TSPAN18: variants seen among roughly 807,000 people sequenced by gnomAD.
TSPAN18 encodes tetraspanin 18.
A neutral mutation model predicts 27.3 loss-of-function variants in TSPAN18; 14 were observed. The observed-to-expected ratio is 0.51, with a 90% confidence interval of 0.34 to 0.80. The LOEUF is 0.80. Among genes scored for constraint, TSPAN18 ranks in the 30% least tolerant of loss-of-function variants. TSPAN18 has a pLI of 0.01. For missense variants in TSPAN18, 268 were observed against 323.9 expected (o/e 0.83, Z 1.32); for synonymous variants, 143 against 136.5 (o/e 1.05, Z -0.33).
At chr11:44,799,635 G>T (rs768870746) in intron 2 of TSPAN18, among the ~76,000 whole-genome samples, 9 of 152,176 alleles carry the variant, frequency 5.9e-5, no homozygotes, top group Non-Finnish European at 1.2e-4. Context: ...TGTCAGCGAT[G>T]ATTTCTGTGG....
At chr11:44,805,033 C>T (rs1470164174) in intron 2 of TSPAN18, among the ~76,000 whole-genome samples, 1 of 152,194 alleles carries the variant, frequency 6.6e-6, no homozygotes, top group African/African-American at 2.4e-5. Context: ...GCAGCTGTGG[C>T]CGCCCTTGGT....
At chr11:44,855,969 G>A (rs759478616) in intron 2 of TSPAN18, among the ~76,000 whole-genome samples, 13 of 149,588 alleles carry the variant, frequency 8.7e-5, no homozygotes, top group East Asian at 2.0e-4. Context: ...TGCAACCTCC[G>A]TCTCCCAGGT....
chr11:44,909,765 C>G lies in TSPAN18; in HGVS notation c.124C>G (p.Arg42Gly). 1 of 1,613,822 alleles carries G rather than the reference C, an allele frequency of 6.2e-7. No individual in the cohort carries two copies. The highest frequency in any genetic ancestry group is 8.5e-7 in the Non-Finnish European group (1 of 1,180,024). The change falls in exon 5 of 10, where the codon CGG (arginine) becomes GGG (glycine). Residue 42 changes from arginine (R) to glycine (G), a missense_variant. Arg to Gly is a moderately radical substitution (Grantham distance 125). Transcript: ENST00000520358. ...GGTCATGGTGGACCCCACCGGCTTC[C>G]GGGAGATCGTGGCTGCCAATCCTCT... ...IWVMVDPTGF[R>G]EIVAANPLLL...
chr11:44,906,631 G>A, intron 4 of TSPAN18, 152 bp downstream of exon 4: 2 of 726,966 alleles, frequency 2.8e-6, no homozygotes, highest in Admixed American at 2.3e-5. Flanking sequence ...ATGGAAGGGG[G>A]CCCCCAGCAG....
intron 2 of TSPAN18, among the ~76,000 whole-genome samples, chr11:44,832,434 T>A (rs777588685): frequency 1.3e-5 from 2 of 152,120 alleles, no homozygotes; most frequent in Non-Finnish European, 2.9e-5. Flanking sequence ...CTCCTTTGCT[T>A]CTCTCATCCC....
intron 5 of TSPAN18, among the ~76,000 whole-genome samples, chr11:44,915,221 A>G (rs1360413591): frequency 6.6e-6 from 1 of 152,190 alleles, no homozygotes; most frequent in Non-Finnish European, 1.5e-5. Flanking sequence ...GGGGCTCCTC[A>G]TAGAGGACCC....
chr11:44,748,176 G>A (rs1218244629), intron 1 of TSPAN18, among the ~76,000 whole-genome samples: 1 of 152,224 alleles, frequency 6.6e-6, no homozygotes, highest in Non-Finnish European at 1.5e-5. Context: ...GAGAGGCCAA[G>A]GCAGACAGAT....
intron 1 of TSPAN18, among the ~76,000 whole-genome samples, chr11:44,731,175 G>A (rs1327731162): frequency 6.6e-6 from 1 of 152,220 alleles, no homozygotes; most frequent in Non-Finnish European, 1.5e-5. Context: ...CTAGGCATTA[G>A]GAGACTGGTG....
intron 2 of TSPAN18, among the ~76,000 whole-genome samples, chr11:44,805,624 G>A (rs1407078507): frequency 6.6e-6 from 1 of 152,162 alleles, no homozygotes; most frequent in East Asian, 1.9e-4. Context: ...GTGTTAATCT[G>A]CTAGGGCTGC....
intron 1 of TSPAN18, among the ~76,000 whole-genome samples, chr11:44,730,662 C>T (rs1240503917): frequency 5.4e-5 from 8 of 149,462 alleles, no homozygotes; most frequent in African/African-American, 1.7e-4. Flanking sequence ...CTTGCTCTGT[C>T]GCCCAGGCTG....
intron 2 of TSPAN18, among the ~76,000 whole-genome samples, chr11:44,820,474 G>C (rs1856904392): frequency 6.6e-6 from 1 of 152,236 alleles, no homozygotes; most frequent in African/African-American, 2.4e-5. Flanking sequence ...CAATAGATGA[G>C]ACTGTGGGAG....
At chr11:44,848,059 C>T (rs1302824037) in intron 2 of TSPAN18, among the ~76,000 whole-genome samples, 1 of 152,132 alleles carries the variant, frequency 6.6e-6, no homozygotes, top group East Asian at 1.9e-4. Flanking sequence ...TAGTCTTTAA[C>T]TCCTGACCTC....
chr11:44,769,158 G>GTGC (rs1023845166), intron 2 of TSPAN18, among the ~76,000 whole-genome samples: 1 of 152,140 alleles, frequency 6.6e-6, no homozygotes, highest in African/African-American at 2.4e-5. Context: ...GCCTCCCAAA[G>GTGC]TGCTGGGATT....
chr11:44,896,451 C>T (rs549168183), intron 3 of TSPAN18, among the ~76,000 whole-genome samples: 15 of 152,230 alleles, frequency 9.9e-5, no homozygotes, highest in East Asian at 5.8e-4. Flanking sequence ...CATGGGCTCA[C>T]GCATGCCAGC....
chr11:44,734,927 T>C (rs1026559787), intron 1 of TSPAN18, among the ~76,000 whole-genome samples: 11 of 152,136 alleles, frequency 7.2e-5, no homozygotes, highest in African/African-American at 2.7e-4. Flanking sequence ...TTGGTTGGTG[T>C]CTTAGCCCTT....
chr11:44,730,891 T>C (rs1231676665), intron 1 of TSPAN18, among the ~76,000 whole-genome samples: 1 of 152,212 alleles, frequency 6.6e-6, no homozygotes, highest in Non-Finnish European at 1.5e-5. Flanking sequence ...CCCAAAGTGC[T>C]GAGATTACAG....
intron 2 of TSPAN18, among the ~76,000 whole-genome samples, chr11:44,792,861 C>T (rs956159016): frequency 2.6e-4 from 39 of 152,202 alleles, no homozygotes; most frequent in Admixed American, 1.4e-3. Flanking sequence ...TGGCAGTGAC[C>T]GTGGCTGGAA....
At chr11:44,817,043 G>A (rs1041044907) in intron 2 of TSPAN18, among the ~76,000 whole-genome samples, 3 of 152,228 alleles carry the variant, frequency 2.0e-5, no homozygotes, top group Non-Finnish European at 4.4e-5. Context: ...TTGAATGAAG[G>A]CTTCCTCTCA....
intron 3 of TSPAN18, among the ~76,000 whole-genome samples, chr11:44,882,729 G>A (rs1376510650): frequency 8.5e-5 from 13 of 152,150 alleles, no homozygotes; most frequent in African/African-American, 3.1e-4. Flanking sequence ...CGGAGGGACA[G>A]CCTGGCACAT....
Sources: allele counts gnomAD v4.1 joint callset (sites outside exome capture counted in the v4.1 genomes callset), GRCh38; gene constraint gnomAD v4.1.1; transcripts MANE v1.5; gene names NCBI Gene and HGNC (gene_info 2026-07-23, HGNC 2026-07-21).